Variants in DOCK4 observed in about 807,000 individuals in gnomAD.
The protein encoded by DOCK4 is dedicator of cytokinesis protein 4.
In DOCK4, 97 loss-of-function variants were observed where a neutral mutation model predicts 268.1. The observed-to-expected ratio is 0.36, with a 90% CI of 0.31 to 0.43. The LOEUF is 0.43. DOCK4 is among the 20% of genes least tolerant of loss of function. The pLI is 1.00. For synonymous variants in DOCK4, 954 were observed against 887.2 expected (o/e 1.08, Z -1.34); for missense variants, 2,145 against 2,455.7 (o/e 0.87, Z 2.67).
intron 15 of DOCK4, among the ~76,000 whole-genome samples, chr7:111,900,113 G>GTCCTA (rs1337706814): frequency 2.6e-5 from 4 of 152,180 alleles, no homozygotes; most frequent in Non-Finnish European, 5.9e-5. Context: ...GCCATGAAAA[G>GTCCTA]TCCTAGTGGG....
At chr7:111,985,551 G>A (rs1332232916) in intron 6 of DOCK4, among the ~76,000 whole-genome samples, 4 of 152,080 alleles carry the variant, frequency 2.6e-5, no homozygotes, top group Admixed American at 2.6e-4. Flanking sequence ...TATTAATTCA[G>A]CACCTACTTC....
intron 13 of DOCK4, among the ~76,000 whole-genome samples, chr7:111,912,503 T>G (rs1792192672): frequency 2.0e-5 from 3 of 152,104 alleles, no homozygotes; most frequent in African/African-American, 7.2e-5. Flanking sequence ...TCTTGATTTG[T>G]AAAAACAAGA....
chr7:112,119,095 G>A (rs1442676152), intron 1 of DOCK4, among the ~76,000 whole-genome samples: 1 of 152,074 alleles, frequency 6.6e-6, no homozygotes, highest in Admixed American at 6.6e-5. Flanking sequence ...ATAGACAATG[G>A]CCAAGTCATT....
intron 16 of DOCK4, among the ~76,000 whole-genome samples, chr7:111,885,812 C>T (rs1233595921): frequency 6.6e-6 from 1 of 152,144 alleles, no homozygotes; most frequent in Non-Finnish European, 1.5e-5. Flanking sequence ...GAGAGATGTG[C>T]TCCCTCAGAC....
Position 111,765,015 on chromosome 7 carries a change from C to T in DOCK4, c.4020+103G>A, listed in dbSNP as rs933305498. On this transcript the variant is annotated intron_variant, in intron 39 of 52. Transcript: ENST00000428084. ...GTAAAAGTTTAAAAAAAGTCTCATG[C>T]ATATTATTACCTGTCATATAAAATG... 8.0e-6 allele frequency: 4 copies of T among 500,516 alleles called. No homozygotes were observed. In the Admixed American group the frequency reaches 1.3e-4, roughly 16 times the overall value. 31.0% of individuals were successfully genotyped at this position (500,516 alleles called of 1,614,324 possible). A position where few individuals can be genotyped will look rare whatever the true frequency, so the allele number is the denominator to read the frequency against.
chr7:111,879,127 C>T (rs1807162034), intron 16 of DOCK4, among the ~76,000 whole-genome samples: 1 of 151,938 alleles, frequency 6.6e-6, no homozygotes, highest in Non-Finnish European at 1.5e-5. Flanking sequence ...GTTTTGCATC[C>T]TGGTTACCAG....
At chr7:111,927,584 G>C (rs961818050) in intron 12 of DOCK4, among the ~76,000 whole-genome samples, 1 of 152,128 alleles carries the variant, frequency 6.6e-6, no homozygotes, top group African/African-American at 2.4e-5. Flanking sequence ...TTCTGATTTA[G>C]TGTATCAACA....
At chr7:112,146,918 A>AT (rs1815564643) in intron 1 of DOCK4, among the ~76,000 whole-genome samples, 1 of 152,304 alleles carries the variant, frequency 6.6e-6, no homozygotes, top group East Asian at 1.9e-4. Context: ...GAAACCAGTA[A>AT]TGCAAATAAA....
chr7:111,831,529 G>C (rs71561750), intron 26 of DOCK4, among the ~76,000 whole-genome samples: 1 of 150,770 alleles, frequency 6.6e-6, no homozygotes, highest in Non-Finnish European at 1.5e-5. Flanking sequence ...CTGTTGCCCA[G>C]GTTGGAGAGG....
intron 23 of DOCK4, among the ~76,000 whole-genome samples, chr7:111,851,809 C>A (rs1804581636): frequency 6.6e-6 from 1 of 151,980 alleles, no homozygotes; most frequent in South Asian, 2.1e-4. Context: ...GCAATGAGTG[C>A]TATGTAAGTG....
intron 14 of DOCK4, among the ~76,000 whole-genome samples, 162 bp downstream of exon 14, chr7:111,901,515 A>T (rs1775515990): frequency 6.6e-6 from 1 of 152,182 alleles, no homozygotes; most frequent in South Asian, 2.1e-4. Flanking sequence ...AAAAAACAAA[A>T]GAAAGAAAAC....
At chr7:112,137,104 G>C (rs1814430418) in intron 1 of DOCK4, among the ~76,000 whole-genome samples, 1 of 152,162 alleles carries the variant, frequency 6.6e-6, no homozygotes, top group Non-Finnish European at 1.5e-5. Context: ...AAAAGGTATT[G>C]AGTCATACAT....
rs117022207 is a variant in DOCK4 at position 111,998,777 on chromosome 7, G to A, written c.163-274C>T. ...CAGAAAACATAATGTTTATTAAACA[G>A]AAAATAAGAAAATTTCAGGAATTCT... is the stretch of plus-strand genomic sequence containing the variant. On this transcript the variant is annotated intron_variant, in intron 3 of 52. Transcript: ENST00000428084. 7.9e-3 allele frequency among the ~76,000 whole-genome samples: 1,205 copies of A among 152,194 alleles called. 8 individuals carry two copies. Among genetic ancestry groups the A allele is most frequent in the Non-Finnish European group, 0.012 (803 of 67,990 alleles).
chr7:112,139,992 A>C (rs12705806), intron 1 of DOCK4, among the ~76,000 whole-genome samples: 40,977 of 152,060 alleles, frequency 0.27, 6,572 homozygotes, highest in East Asian at 0.48. Context: ...TAGTTACCAT[A>C]CAGCTCAATC....
chr7:112,168,497 A>G (rs529818118), intron 1 of DOCK4, among the ~76,000 whole-genome samples: 1 of 152,208 alleles, frequency 6.6e-6, no homozygotes, highest in African/African-American at 2.4e-5. Flanking sequence ...GCTTGAAGCC[A>G]GGAGTTCGAG....
At chr7:111,796,820 G>A (rs1799928006) in intron 30 of DOCK4, among the ~76,000 whole-genome samples, 1 of 152,170 alleles carries the variant, frequency 6.6e-6, no homozygotes, top group Non-Finnish European at 1.5e-5. Context: ...ATCATACAAG[G>A]TGGACAAGCT....
chr7:111,869,564 A>G lies in DOCK4; in HGVS notation c.2109+10T>C. ...GTTAGACTCTGCTGTTATCAACAGC[A>G]TGTTATCACCTTCAGCACCTCCTGG... On this transcript the variant is annotated intron_variant, in intron 21 of 52. Coordinates refer to ENST00000428084, the MANE Select transcript of DOCK4 (RefSeq NM_001363540.2). 6.2e-7 allele frequency: 1 copy of G among 1,612,918 alleles called. No individual in the cohort carries two copies. The highest frequency in any genetic ancestry group is 1.7e-5 in the Admixed American group (1 of 60,002).
chr7:111,902,368 C>T (rs1264382535), intron 13 of DOCK4, among the ~76,000 whole-genome samples: 2 of 152,254 alleles, frequency 1.3e-5, no homozygotes, highest in Admixed American at 1.3e-4. Flanking sequence ...CTTAATATTT[C>T]ATATCATCAA....
At chr7:111,854,827 G>A (rs772075915) in intron 23 of DOCK4, among the ~76,000 whole-genome samples, 27 of 152,202 alleles carry the variant, frequency 1.8e-4, no homozygotes, top group Non-Finnish European at 3.2e-4. Flanking sequence ...GGCAAATAAA[G>A]TCCCTGGCCT....
Sources: allele counts gnomAD v4.1 joint callset (sites outside exome capture counted in the v4.1 genomes callset), GRCh38; gene constraint gnomAD v4.1.1; transcripts MANE v1.5; gene names NCBI Gene and HGNC (gene_info 2026-07-23, HGNC 2026-07-21).